The following WDR7 variants were observed in gnomAD, a reference collection of about 807,000 sequenced individuals.
The protein encoded by WDR7 is WD repeat-containing protein 7.
In WDR7, 46 loss-of-function variants were observed where a neutral mutation model predicts 169.4. The observed-to-expected ratio is 0.27, with a 90% CI of 0.21 to 0.35. The LOEUF is 0.35. Ranked by LOEUF, WDR7 falls within the 10% of genes least tolerant of loss-of-function variation. The pLI is 1.00. For synonymous variants in WDR7, 612 were observed against 666.8 expected, an observed-to-expected ratio of 0.92 and a Z score of 1.27; for missense variants, 1,534 against 1,859.3, an observed-to-expected ratio of 0.83 and a Z score of 3.22.
chr18:56,961,409 A>G (rs2047338142), intron 25 of WDR7, among the ~76,000 whole-genome samples: 1 of 151,826 alleles, frequency 6.6e-6, no homozygotes, highest in South Asian at 2.1e-4. Context: ...CCCAAGGGGA[A>G]AAGACAAAGA....
At chr18:56,962,303 A>C (rs1336744098) in intron 25 of WDR7, 127 bp from the exon 26 acceptor site, 2 of 518,284 alleles carry the variant, frequency 3.9e-6, no homozygotes, top group Non-Finnish European at 3.4e-6. Flanking sequence ...TTTATTATGG[A>C]TATATTTATT....
At chr18:56,903,738 G>C (rs773276561) in intron 21 of WDR7, among the ~76,000 whole-genome samples, 3 of 152,038 alleles carry the variant, frequency 2.0e-5, no homozygotes, top group Non-Finnish European at 2.9e-5. Flanking sequence ...ATTTTCAATG[G>C]AAGTTGGATT....
chr18:56,831,369 G>C (rs899158748), intron 20 of WDR7, among the ~76,000 whole-genome samples: 1 of 152,270 alleles, frequency 6.6e-6, no homozygotes, highest in Middle Eastern at 3.4e-3. Context: ...CAGGGGACTA[G>C]CTGGAATGAA....
chr18:56,985,211 C>T (rs1009503329), intron 26 of WDR7, among the ~76,000 whole-genome samples: 7 of 152,148 alleles, frequency 4.6e-5, no homozygotes, highest in Admixed American at 3.3e-4. Flanking sequence ...AGATTCCACA[C>T]ACTGCTAAAT....
intron 26 of WDR7, among the ~76,000 whole-genome samples, 157 bp downstream of exon 26, chr18:56,962,686 G>A (rs1484359083): frequency 6.6e-6 from 1 of 152,124 alleles, no homozygotes; most frequent in African/African-American, 2.4e-5. Flanking sequence ...AGAATATAGA[G>A]CCCTACTGTC....
At chr18:56,761,445 A>G (rs567172793) in intron 16 of WDR7, among the ~76,000 whole-genome samples, 4 of 151,754 alleles carry the variant, frequency 2.6e-5, no homozygotes, top group African/African-American at 7.2e-5. Context: ...TTACCACCTT[A>G]TTTTTTTTAA....
At chr18:56,944,645 A>G (rs150793546) in intron 25 of WDR7, among the ~76,000 whole-genome samples, 69 of 152,302 alleles carry the variant, frequency 4.5e-4, no homozygotes, top group African/African-American at 1.6e-3. Context: ...TAGCTTTTCT[A>G]TCAGCTGTTA....
chr18:56,903,569 G>A (rs2046433235), intron 21 of WDR7, among the ~76,000 whole-genome samples: 1 of 151,956 alleles, frequency 6.6e-6, no homozygotes, highest in Non-Finnish European at 1.5e-5. Context: ...ACAGGCATGT[G>A]CCACCATGCC....
chr18:56,784,646 T>C (rs1197771398), intron 19 of WDR7, among the ~76,000 whole-genome samples: 1 of 152,226 alleles, frequency 6.6e-6, no homozygotes, highest in Non-Finnish European at 1.5e-5. Flanking sequence ...CACTGTTCTT[T>C]GCAGCCGTGT....
chr18:56,728,576 A>G (rs192233010), intron 13 of WDR7, among the ~76,000 whole-genome samples: 1 of 152,192 alleles, frequency 6.6e-6, no homozygotes, highest in East Asian at 1.9e-4. Flanking sequence ...GGGATCTAGC[A>G]CCCTGTGCAA....
intron 21 of WDR7, among the ~76,000 whole-genome samples, chr18:56,884,280 T>A (rs1190174441): frequency 6.6e-6 from 1 of 152,212 alleles, no homozygotes; most frequent in African/African-American, 2.4e-5. Context: ...TTTTTTCATA[T>A]GTTTGTTGGC....
At chr18:56,659,511 A>G (rs2024858849) in intron 1 of WDR7, among the ~76,000 whole-genome samples, 1 of 152,244 alleles carries the variant, frequency 6.6e-6, no homozygotes, top group Admixed American at 6.5e-5. Flanking sequence ...TAAATAAATA[A>G]AACATATGGT....
In WDR7 at chr18:56,740,593, T is replaced by TG. The variant is rs2043605236; in HGVS notation, c.1989+8997dup. On this transcript the variant is annotated intron_variant, in intron 14 of 27. Coordinates refer to ENST00000254442, the MANE Select transcript of WDR7 (RefSeq NM_015285.3). Reference sequence around the variant, plus strand: ...AACTTAATATAATCAGGGACTAACCTGAGTCAAGGCTAGGTTGCAGTATTT... The same window carrying TG: ...AACTTAATATAATCAGGGACTAACCTGGAGTCAAGGCTAGGTTGCAGTATTT... Among the ~76,000 whole-genome samples the TG allele has an allele frequency of 2.6e-5, 4 of 152,340 alleles. No individual in the cohort carries two copies. In the South Asian group the frequency reaches 8.3e-4, roughly 32 times the overall value.
At chr18:56,673,036 G>A (rs1355948435) in intron 2 of WDR7, among the ~76,000 whole-genome samples, 1 of 152,118 alleles carries the variant, frequency 6.6e-6, no homozygotes. Context: ...TTTTTACAAA[G>A]TATAGATTTT....
downstream of WDR7, chr18:57,032,392 A>G (rs927095040): frequency 6.6e-6 from 1 of 152,258 alleles, no homozygotes; most frequent in African/African-American, 2.4e-5. Flanking sequence ...CTTAACGTCA[A>G]AATGACTTAG....
At chr18:56,763,685 GT>G (rs1272849046) in intron 16 of WDR7, among the ~76,000 whole-genome samples, 3 of 152,074 alleles carry the variant, frequency 2.0e-5, no homozygotes. Context: ...TCCATATTTG[GT>G]TGATCTAATT....
rs545471712 is a variant in WDR7 at position 56,731,345 on chromosome 18, A to T, written c.1775-38A>T. ...TTACTTAAACTATTCAAAATGTTGT[A>T]GTGTTATGAAATATTTGTGAATATA... On this transcript the variant is annotated intron_variant, in intron 13 of 27. Transcript: ENST00000254442. 3.1e-6 allele frequency: 5 copies of T among 1,593,428 alleles called. No homozygotes were observed. In the African/African-American group the frequency reaches 4.0e-5, roughly 13 times the overall value.
In WDR7 at chr18:56,949,156, T is replaced by TCTCCCTCTC. The variant is rs879455948; in HGVS notation, c.4064+9763_4064+9764insCTCCCTCTC. Among the ~76,000 whole-genome samples, 291 of 143,958 alleles carry TCTCCCTCTC rather than the reference T, an allele frequency of 2.0e-3. 1 individual carries two copies. Among genetic ancestry groups the TCTCCCTCTC allele is most frequent in the African/African-American group, 4.2e-3 (169 of 39,894 alleles). 94.4% of individuals were successfully genotyped at this position (143,958 alleles called of 152,430 possible). ...TCTCTCTCTCTCTCTCTCTCTCTCT[T>TCTCCCTCTC]TCCCTTTGGCTACAAGCAATCTTTG... On this transcript the variant is annotated intron_variant, in intron 25 of 27. Coordinates refer to ENST00000254442, the MANE Select transcript of WDR7 (RefSeq NM_015285.3).
At chr18:56,783,154 A>C (rs889100300) in intron 19 of WDR7, among the ~76,000 whole-genome samples, 1 of 51,626 alleles carries the variant, frequency 1.9e-5, no homozygotes, top group Non-Finnish European at 4.5e-5. Flanking sequence ...TAATAAAGCA[A>C]ATTAAGTTAA....
Sources: gnomAD v4.1 joint callset for allele counts (sites outside exome capture counted in the v4.1 genomes callset) on GRCh38, gnomAD v4.1.1 for gene constraint, MANE v1.5 for transcripts, NCBI Gene and HGNC (gene_info 2026-07-23, HGNC 2026-07-21) for gene names.